ACBD6: variants seen among roughly 807,000 people sequenced by gnomAD.
The protein encoded by ACBD6 is acyl-CoA-binding domain-containing protein 6.
Under a neutral mutation model 37.2 loss-of-function variants are expected in ACBD6, and 28 were observed. The observed-to-expected ratio is 0.75, with a 90% CI of 0.56 to 1.03. The LOEUF (loss-of-function observed/expected upper bound fraction) is 1.03. Ranked by LOEUF, ACBD6 falls within the 50% of genes least tolerant of loss-of-function variation. The probability of loss-of-function intolerance (pLI) is 0.00; values close to 1 mark genes in which losing one functional copy is unlikely to be tolerated. For missense variants in ACBD6, 340 were observed against 337.4 expected (o/e 1.01, Z -0.06); for synonymous variants, 113 against 126.8 (o/e 0.89, Z 0.73).
chr1:180,350,058 C>A (rs1344310182), intron 6 of ACBD6, among the ~76,000 whole-genome samples: 1 of 133,964 alleles, frequency 7.5e-6, no homozygotes, highest in Non-Finnish European at 1.5e-5. Flanking sequence ...CAGAGTCTTG[C>A]TCTGTCGCCC....
chr1:180,333,146 A>C (rs1651552266), intron 6 of ACBD6, among the ~76,000 whole-genome samples: 1 of 152,200 alleles, frequency 6.6e-6, no homozygotes, highest in African/African-American at 2.4e-5. Flanking sequence ...TATATATTTT[A>C]CATATAACAT....
At chr1:180,349,903 TA>T (rs1380075361) in intron 6 of ACBD6, among the ~76,000 whole-genome samples, 8 of 151,752 alleles carry the variant, frequency 5.3e-5, no homozygotes, top group African/African-American at 9.7e-5. Flanking sequence ...ATCACGTAAA[TA>T]TTTTTTTTTC....
chr1:180,466,526 C>T (rs1650352034), intron 3 of ACBD6, among the ~76,000 whole-genome samples: 2 of 152,276 alleles, frequency 1.3e-5, no homozygotes, highest in South Asian at 4.1e-4. Context: ...TTGACACTTT[C>T]CCAACACTTG....
chr1:180,324,750 T>A (rs1369059029), intron 6 of ACBD6, among the ~76,000 whole-genome samples: 1 of 152,188 alleles, frequency 6.6e-6, no homozygotes, highest in Non-Finnish European at 1.5e-5. Context: ...ACTGAAGAAT[T>A]CCCTTTAGCA....
At chr1:180,485,249 C>G (rs1408823352) in intron 3 of ACBD6, among the ~76,000 whole-genome samples, 2 of 152,120 alleles carry the variant, frequency 1.3e-5, no homozygotes, top group African/African-American at 4.8e-5. Context: ...TAAAGAGAAG[C>G]AGCCAATTCC....
chr1:180,398,001 C>T (rs1488074232), intron 5 of ACBD6, among the ~76,000 whole-genome samples: 12 of 151,896 alleles, frequency 7.9e-5, no homozygotes, highest in Admixed American at 3.9e-4. Context: ...TGCAGTGGGC[C>T]GAGATTGTAC....
intron 3 of ACBD6, among the ~76,000 whole-genome samples, chr1:180,466,804 T>C (rs1650364870): frequency 6.6e-6 from 1 of 152,096 alleles, no homozygotes; most frequent in South Asian, 2.1e-4. Context: ...TGGTTCCCTG[T>C]CTGTGAAAAA....
rs572894672 is a variant in ACBD6, at chr1:180,435,196, T to C, written c.385-4934A>G. On this transcript the variant is annotated intron_variant, in intron 3 of 7. Coordinates refer to ENST00000367595, the MANE Select transcript of ACBD6 (RefSeq NM_032360.4). Reference sequence around the variant, plus strand: ...GACACGGATTTCAACATCGCTGGCCTTTCCATCTGGGGTACTCTGGTGCTG... The same window carrying C: ...GACACGGATTTCAACATCGCTGGCCCTTCCATCTGGGGTACTCTGGTGCTG... The C allele has an allele frequency of 5.8e-6, 4 of 684,510 alleles. No individual in the cohort carries two copies. The East Asian group carries it at 1.1e-4, about 19-fold the overall frequency. 42.4% of individuals were successfully genotyped at this position (684,510 alleles called of 1,614,324 possible).
At chr1:180,293,736 T>C (rs1162944622) in intron 7 of ACBD6, among the ~76,000 whole-genome samples, 1 of 152,150 alleles carries the variant, frequency 6.6e-6, no homozygotes, top group Non-Finnish European at 1.5e-5. Context: ...TTTCTATTTT[T>C]TATTTTTGTT....
At chr1:180,387,362 T>G (rs1653883239) in intron 6 of ACBD6, among the ~76,000 whole-genome samples, 1 of 152,216 alleles carries the variant, frequency 6.6e-6, no homozygotes, top group African/African-American at 2.4e-5. Context: ...GGAGAAGTAC[T>G]ACCTTATTAT....
At chr1:180,273,795 G>C in intron 11 of ACBD6, 1 of 251,350 alleles carries the variant, frequency 4.0e-6, no homozygotes, top group South Asian at 5.0e-5. Flanking sequence ...TTCTCAGCTT[G>C]AAAGCTTTCA....
chr1:180,271,698 G>A, exon 14 of ACBD6: 1 of 1,285,310 alleles, frequency 7.8e-7, no homozygotes, highest in South Asian at 1.2e-5. Context: ...GGGGAGAGGG[G>A]GTGGGGCGCA....
chr1:180,350,226 G>T (rs1308105646), intron 6 of ACBD6, among the ~76,000 whole-genome samples: 1 of 151,964 alleles, frequency 6.6e-6, no homozygotes, highest in Admixed American at 6.6e-5. Context: ...AAAAGATAAG[G>T]TCTCACTATG....
At chr1:180,328,019 C>T (rs1651322934) in intron 6 of ACBD6, among the ~76,000 whole-genome samples, 2 of 151,972 alleles carry the variant, frequency 1.3e-5, no homozygotes, top group South Asian at 2.1e-4. Flanking sequence ...TTTTATTCTA[C>T]CAAATGAGGT....
chr1:180,378,144 C>T (rs1344157314), intron 6 of ACBD6, among the ~76,000 whole-genome samples: 1 of 151,960 alleles, frequency 6.6e-6, no homozygotes, highest in African/African-American at 2.4e-5. Context: ...AGTAATCAGA[C>T]ATAATATTAT....
exon 14 of ACBD6, chr1:180,270,961 G>A (rs958747755): frequency 1.6e-5 from 5 of 311,270 alleles, no homozygotes; most frequent in Non-Finnish European, 3.2e-5. Flanking sequence ...GAGACAGAGG[G>A]GAGGGCATCT....
rs1557888591 is a variant in ACBD6, at chr1:180,481,722, AAG to A, written c.384+10545_384+10546del. On this transcript the variant is annotated intron_variant, in intron 3 of 7. Transcript: ENST00000367595. ...GCCCTGGAACTTGAAGAAACAAAAG[AAG>A]AACCAGAAGGTTGGAAATACACTCT... is the stretch of plus-strand genomic sequence containing the variant. Among the ~76,000 whole-genome samples, 3 of 122,894 alleles carry A rather than the reference AAG, an allele frequency of 2.4e-5. No homozygotes were observed. In the Admixed American group the frequency reaches 2.5e-4, roughly 10 times the overall value. The allele number at this position is 122,894 out of a possible 152,430, so 80.6% of individuals were successfully genotyped here.
chr1:180,502,555 C>T lies in ACBD6; in HGVS notation c.-289G>A. The T allele has an allele frequency of 4.3e-6, 2 of 462,658 alleles. No individual in the cohort carries two copies. The highest frequency in any genetic ancestry group is 4.1e-5 in the South Asian group (2 of 49,114). The allele number at this position is 462,658 out of a possible 1,614,324, so 28.7% of individuals were successfully genotyped here. ...TCAGGCTCGCCTCAGGCCCCTCCAA[C>T]GGAACAGGAGTCGAGGGGCAGTGAG... is the stretch of plus-strand genomic sequence containing the variant. On this transcript the variant is annotated 5_prime_UTR_variant, in exon 1 of 8. Coordinates refer to ENST00000367595, the MANE Select transcript of ACBD6 (RefSeq NM_032360.4).
At chr1:180,440,174 T>A (rs907724838) in intron 3 of ACBD6, among the ~76,000 whole-genome samples, 2 of 152,178 alleles carry the variant, frequency 1.3e-5, no homozygotes, top group Non-Finnish European at 2.9e-5. Flanking sequence ...AGTGGTGCAA[T>A]CTCAGCTCAC....
Sources: allele counts gnomAD v4.1 joint callset (sites outside exome capture counted in the v4.1 genomes callset), GRCh38; gene constraint gnomAD v4.1.1; transcripts MANE v1.5; gene names NCBI Gene and HGNC (gene_info 2026-07-23, HGNC 2026-07-21).